The following TMEM131 variants were observed in gnomAD, a reference collection of about 807,000 sequenced individuals.
TMEM131 encodes transmembrane protein 131.
A neutral mutation model predicts 211.6 loss-of-function variants in TMEM131; 66 were observed. The ratio of observed to expected loss-of-function variants is 0.31; its 90% CI spans 0.26 to 0.38. The LOEUF is 0.38. TMEM131 is among the 10% of genes least tolerant of loss of function. The pLI is 1.00. For synonymous variants in TMEM131, 844 were observed against 841.3 expected (o/e 1.00, Z -0.06); for missense variants, 2,036 against 2,299.3 (o/e 0.89, Z 2.34).
chr2:97,822,470 A>G (rs1332636015), intron 11 of TMEM131, among the ~76,000 whole-genome samples: 1 of 152,192 alleles, frequency 6.6e-6, no homozygotes, highest in Non-Finnish European at 1.5e-5. Context: ...TTTTTGGGGC[A>G]TAACATCTTT....
At chr2:97,939,175 G>A (rs1033893858) in intron 1 of TMEM131, among the ~76,000 whole-genome samples, 2 of 152,050 alleles carry the variant, frequency 1.3e-5, no homozygotes, top group African/African-American at 2.4e-5. Context: ...AAATAACTAA[G>A]ATCAGAGCAG....
chr2:97,766,334 C>T, intron 34 of TMEM131, 71 bp from the exon 35 acceptor site: 4 of 1,605,080 alleles, frequency 2.5e-6, no homozygotes, highest in Non-Finnish European at 3.4e-6. Flanking sequence ...TTTCAATGAA[C>T]CTTCTAATGA....
At chr2:97,780,457 C>T (rs947273727) in intron 31 of TMEM131, among the ~76,000 whole-genome samples, 4 of 152,134 alleles carry the variant, frequency 2.6e-5, no homozygotes, top group South Asian at 2.1e-4. Flanking sequence ...CACCCCACTC[C>T]GTTTTCTACA....
intron 1 of TMEM131, among the ~76,000 whole-genome samples, chr2:97,993,000 G>C (rs1351842872): frequency 6.6e-6 from 1 of 152,104 alleles, no homozygotes; most frequent in Non-Finnish European, 1.5e-5. Context: ...AGGATGTTAA[G>C]ACAAGGAATG....
chr2:97,963,242 T>C (rs1407114079), intron 1 of TMEM131, among the ~76,000 whole-genome samples: 1 of 152,228 alleles, frequency 6.6e-6, no homozygotes, highest in Non-Finnish European at 1.5e-5. Context: ...CCTTACAGCA[T>C]TGTTTTAAAG....
chr2:97,773,759 C>T (rs1293678623), intron 32 of TMEM131, among the ~76,000 whole-genome samples: 1 of 152,096 alleles, frequency 6.6e-6, no homozygotes, highest in East Asian at 1.9e-4. Flanking sequence ...CATGCCACCA[C>T]ACCCAGCTAA....
At chr2:97,992,856 T>C (rs1478772965) in intron 1 of TMEM131, among the ~76,000 whole-genome samples, 1 of 152,214 alleles carries the variant, frequency 6.6e-6, no homozygotes, top group Non-Finnish European at 1.5e-5. Flanking sequence ...TTATTTGTAG[T>C]GATTATAACA....
At chr2:97,916,431 G>GTTTA (rs1676511419) in intron 2 of TMEM131, among the ~76,000 whole-genome samples, 1 of 152,226 alleles carries the variant, frequency 6.6e-6, no homozygotes, top group South Asian at 2.1e-4. Flanking sequence ...GGGAAAGTCT[G>GTTTA]TAAAAGCAGC....
intron 2 of TMEM131, 99 bp from the exon 3 acceptor site, chr2:97,908,797 C>T: frequency 1.0e-6 from 1 of 971,852 alleles, no homozygotes; most frequent in Non-Finnish European, 1.5e-6. Context: ...TTTCAACATT[C>T]ATTTTATACC....
chr2:97,840,742 C>G (rs987302471), intron 7 of TMEM131, among the ~76,000 whole-genome samples: 1 of 152,176 alleles, frequency 6.6e-6, no homozygotes, highest in African/African-American at 2.4e-5. Context: ...ATACTTCCCA[C>G]CTGAAAAGCA....
intron 22 of TMEM131, among the ~76,000 whole-genome samples, chr2:97,804,040 A>T (rs1198316267): frequency 6.6e-6 from 1 of 151,418 alleles, no homozygotes; most frequent in Non-Finnish European, 1.5e-5. Context: ...CAGAGAGTTC[A>T]GATAAACAAA....
intron 4 of TMEM131, among the ~76,000 whole-genome samples, chr2:97,876,013 G>A (rs1458979654): frequency 6.6e-6 from 1 of 152,150 alleles, no homozygotes; most frequent in Non-Finnish European, 1.5e-5. Context: ...AATAAAAAAT[G>A]ATATAGGGGA....
chr2:97,948,363 G>A (rs1421120911), intron 1 of TMEM131, among the ~76,000 whole-genome samples: 3 of 151,792 alleles, frequency 2.0e-5, no homozygotes, highest in African/African-American at 7.3e-5. Context: ...AAAACAAACA[G>A]CTCAATTTAA....
At chr2:97,830,132 T>TAA (rs60531384) in intron 11 of TMEM131, among the ~76,000 whole-genome samples, 6,333 of 71,948 alleles carry the variant, frequency 0.088, 396 homozygotes, top group African/African-American at 0.12. Context: ...CATTATCAGT[T>TAA]AAAAAAAAAA....
At chr2:97,913,858 T>G (rs776532588) in intron 2 of TMEM131, among the ~76,000 whole-genome samples, 1 of 151,998 alleles carries the variant, frequency 6.6e-6, no homozygotes, top group Non-Finnish European at 1.5e-5. Context: ...GCCATTTGAG[T>G]ATTACTTACA....
intron 11 of TMEM131, among the ~76,000 whole-genome samples, chr2:97,820,171 G>A (rs145175168): frequency 5.5e-4 from 84 of 152,190 alleles, no homozygotes; most frequent in African/African-American, 2.0e-3. Context: ...AACTTCCTCC[G>A]TTTTTCTTCT....
At chr2:97,811,067 C>T (rs1347248471) in intron 18 of TMEM131, 61 bp downstream of exon 18, 1 of 1,179,820 alleles carries the variant, frequency 8.5e-7, no homozygotes, top group Non-Finnish European at 1.3e-6. Flanking sequence ...TTCATAAAGA[C>T]AAGAAAGGAC....
At chr2:97,884,555 A>C (rs925851835) in intron 4 of TMEM131, among the ~76,000 whole-genome samples, 6 of 152,164 alleles carry the variant, frequency 3.9e-5, no homozygotes, top group Non-Finnish European at 8.8e-5. Context: ...ACTGGGGTCT[A>C]TCTCTCCCTT....
intron 31 of TMEM131, among the ~76,000 whole-genome samples, chr2:97,779,356 G>A (rs916336710): frequency 6.6e-6 from 1 of 152,212 alleles, no homozygotes; most frequent in East Asian, 1.9e-4. Context: ...GATGGCCGAC[G>A]TCTAGCTGCA....
Sources: allele counts gnomAD v4.1 joint callset (sites outside exome capture counted in the v4.1 genomes callset), GRCh38; gene constraint gnomAD v4.1.1; transcripts MANE v1.5; gene names NCBI Gene and HGNC (gene_info 2026-07-23, HGNC 2026-07-21).